Variants in DLGAP1 observed in about 807,000 individuals in gnomAD.
DLGAP1 encodes disks large-associated protein 1.
In DLGAP1, 11 loss-of-function variants were observed where a neutral mutation model predicts 90.8. That is an observed-to-expected ratio of 0.12 (90% confidence interval 0.08 to 0.20). DLGAP1 has a LOEUF of 0.20. Among genes scored for constraint, DLGAP1 ranks in the 10% least tolerant of loss-of-function variants. The pLI, the probability that DLGAP1 is intolerant of heterozygous loss-of-function variation, is 1.00. For synonymous variants in DLGAP1, 558 were observed against 540.7 expected (o/e 1.03, Z -0.44); for missense variants, 1,050 against 1,333.8 (o/e 0.79, Z 3.31).
chr18:4,228,243 C>T (rs1019282890), intron 1 of DLGAP1, among the ~76,000 whole-genome samples: 3 of 151,962 alleles, frequency 2.0e-5, no homozygotes, highest in Non-Finnish European at 4.4e-5. Context: ...AGCCTGGGAC[C>T]TGATGGCTTC....
intron 9 of DLGAP1, among the ~76,000 whole-genome samples, chr18:3,558,685 C>T (rs1264718663): frequency 2.0e-5 from 3 of 152,150 alleles, no homozygotes; most frequent in African/African-American, 4.8e-5. Context: ...TATTTCTACT[C>T]CCACTTTCTT....
At chr18:3,636,131 A>G (rs900194173) in intron 7 of DLGAP1, among the ~76,000 whole-genome samples, 2 of 150,540 alleles carry the variant, frequency 1.3e-5, no homozygotes, top group Admixed American at 6.7e-5. Flanking sequence ...GACACATGCA[A>G]CCCTTCTGCT....
Position 4,390,711 on chromosome 18 carries a change from A to C in DLGAP1, c.-267+64295T>G, listed in dbSNP as rs573346025. Among the ~76,000 whole-genome samples, 12 of 152,270 alleles carry C rather than the reference A, an allele frequency of 7.9e-5. 1 individual carries two copies. In the South Asian group the frequency reaches 2.5e-3, roughly 32 times the overall value. On this transcript the variant is annotated intron_variant, in intron 1 of 12. Transcript: ENST00000315677. ...TGGCTTGATAGCTGAATAATATTCC[A>C]CTGTCTGGATGTACCACAGTTTATC...
intron 3 of DLGAP1, among the ~76,000 whole-genome samples, chr18:4,003,899 A>G (rs2074248904): frequency 6.6e-6 from 1 of 152,154 alleles, no homozygotes; most frequent in Admixed American, 6.5e-5. Context: ...GGTATTTGGT[A>G]AGATGATTTG....
chr18:3,784,181 T>C (rs1360059874), intron 5 of DLGAP1, among the ~76,000 whole-genome samples: 1 of 152,160 alleles, frequency 6.6e-6, no homozygotes, highest in Non-Finnish European at 1.5e-5. Context: ...GGGAGGCCGA[T>C]GAAGGGAGAA....
chr18:4,060,483 T>G (rs921028158), intron 2 of DLGAP1, among the ~76,000 whole-genome samples: 4 of 152,208 alleles, frequency 2.6e-5, no homozygotes, highest in African/African-American at 7.2e-5. Flanking sequence ...ACCTGCAACT[T>G]TAACCTCGAC....
intron 1 of DLGAP1, among the ~76,000 whole-genome samples, chr18:4,238,387 C>G (rs2078462516): frequency 6.6e-6 from 1 of 152,122 alleles, no homozygotes; most frequent in Non-Finnish European, 1.5e-5. Flanking sequence ...CTTAGATCAT[C>G]AGAAAGCATA....
intron 4 of DLGAP1, among the ~76,000 whole-genome samples, chr18:3,860,927 A>G (rs545334717): frequency 6.6e-6 from 1 of 152,346 alleles, no homozygotes; most frequent in East Asian, 1.9e-4. Context: ...CTTATCCTCC[A>G]TCCTTCCTTA....
chr18:3,898,202 T>C (rs79722653), intron 3 of DLGAP1, among the ~76,000 whole-genome samples: 3,976 of 152,362 alleles, frequency 0.026, 154 homozygotes, highest in African/African-American at 0.087. Flanking sequence ...ATGAGAATTT[T>C]CTTTGAGTTT....
At chr18:3,887,537 AGAG>A (rs763480856) in intron 3 of DLGAP1, among the ~76,000 whole-genome samples, 3 of 152,216 alleles carry the variant, frequency 2.0e-5, no homozygotes, top group Non-Finnish European at 4.4e-5. Context: ...GTATACCAAG[AGAG>A]GAGGACAATG....
intron 2 of DLGAP1, among the ~76,000 whole-genome samples, chr18:4,015,290 CT>C (rs2074502670): frequency 6.6e-6 from 1 of 152,108 alleles, no homozygotes; most frequent in Admixed American, 6.6e-5. Context: ...TTTGCCATCT[CT>C]AATCAATTGG....
chr18:3,994,874 A>G (rs973395490), intron 3 of DLGAP1, among the ~76,000 whole-genome samples: 2 of 151,040 alleles, frequency 1.3e-5, no homozygotes, highest in Non-Finnish European at 2.9e-5. Context: ...TATAGATTCT[A>G]ATTTTCTAAA....
intron 7 of DLGAP1, among the ~76,000 whole-genome samples, chr18:3,648,783 T>C (rs987727017): frequency 1.3e-5 from 2 of 152,206 alleles, no homozygotes; most frequent in African/African-American, 2.4e-5. Flanking sequence ...TTGAAACTTA[T>C]ACTCTTGAAA....
chr18:4,091,640 C>T (rs9973033), intron 2 of DLGAP1, among the ~76,000 whole-genome samples: 49,174 of 151,756 alleles, frequency 0.32, 8,200 homozygotes, highest in African/African-American at 0.4. Context: ...CACGACTGTG[C>T]TGACTCTACT....
chr18:4,305,001 A>G (rs2080214617), intron 1 of DLGAP1, among the ~76,000 whole-genome samples: 1 of 152,056 alleles, frequency 6.6e-6, no homozygotes. Context: ...CTAACATTGT[A>G]TGTTACTCTC....
chr18:4,166,866 G>T (rs1052191177), intron 1 of DLGAP1, among the ~76,000 whole-genome samples: 1 of 152,174 alleles, frequency 6.6e-6, no homozygotes, highest in East Asian at 1.9e-4. Flanking sequence ...ATAGTCATTA[G>T]CATGGGCTTG....
At chr18:3,557,755 T>A (rs586993) in intron 9 of DLGAP1, among the ~76,000 whole-genome samples, 1 of 151,614 alleles carries the variant, frequency 6.6e-6, no homozygotes, top group Admixed American at 6.6e-5. Context: ...GGTGAAACCC[T>A]GTCTCTACTA....
Position 3,561,882 on chromosome 18 carries a change from G to A in DLGAP1, c.2057+5608C>T, listed in dbSNP as rs1022996864. ...ACTTACAGTTCCATGTGGCTGGGGA[G>A]GCCCCACAATCATGGCATAAGGTGA... On this transcript the variant is annotated intron_variant, in intron 9 of 12. Transcript: ENST00000315677. 2.5e-4 allele frequency among the ~76,000 whole-genome samples: 38 copies of A among 150,920 alleles called. 1 individual carries two copies. Among genetic ancestry groups the A allele is most frequent in the Admixed American group, 2.4e-3 (36 of 15,240 alleles).
chr18:4,274,848 T>C (rs1598785863), intron 1 of DLGAP1, among the ~76,000 whole-genome samples: 1 of 152,306 alleles, frequency 6.6e-6, no homozygotes, highest in East Asian at 1.9e-4. Flanking sequence ...ACTGGACTTA[T>C]TATAGAGTAG....
Sources: gnomAD v4.1 joint callset for allele counts (sites outside exome capture counted in the v4.1 genomes callset) on GRCh38, gnomAD v4.1.1 for gene constraint, MANE v1.5 for transcripts, NCBI Gene and HGNC (gene_info 2026-07-23, HGNC 2026-07-21) for gene names.